Variants in IQGAP1 observed in about 807,000 individuals in gnomAD.
IQGAP1 encodes IQ motif containing GTPase activating protein 1.
In IQGAP1, 66 loss-of-function variants were observed where a neutral mutation model predicts 215.6. That is an observed-to-expected ratio of 0.31 (90% CI 0.25 to 0.38). The LOEUF is 0.38. IQGAP1 is among the 10% of genes least tolerant of loss of function. The pLI is 1.00. For missense variants in IQGAP1, 1,712 were observed against 1,997.1 expected, an observed-to-expected ratio of 0.86 and a Z score of 2.72; for synonymous variants, 772 against 728.7, an observed-to-expected ratio of 1.06 and a Z score of -0.96.
chr15:90,388,603 C>T (rs1964587258), intron 1 of IQGAP1, among the ~76,000 whole-genome samples: 1 of 152,100 alleles, frequency 6.6e-6, no homozygotes. Flanking sequence ...CGGAGAGGAC[C>T]CCCGAGGCCT....
chr15:90,457,552 C>T (rs147356429), intron 15 of IQGAP1, among the ~76,000 whole-genome samples: 94 of 151,550 alleles, frequency 6.2e-4, no homozygotes, highest in African/African-American at 2.2e-3. Context: ...TCTGCCTCCC[C>T]AGTACCTAGG....
At position 90,426,266 on chromosome 15, in the gene IQGAP1, G is replaced by A; in HGVS notation, c.312G>A (p.Lys104=). The part of the protein sequence containing the change: ...KIYDREQTRY[K]ATGLHFRHTD... ...ATGATCGAGAACAGACCAGATACAA[G>A]GTGAGTCCTTCCTTGCTTTGTGCTT... Residue 104 remains lysine, a splice_region_variant and synonymous_variant, in exon 3 of 38, where the codon AAG becomes AAA. Transcript: ENST00000268182. 1 of 1,584,050 alleles carries A rather than the reference G, an allele frequency of 6.3e-7. No homozygotes were observed. The highest frequency in any genetic ancestry group is 1.2e-5 in the South Asian group (1 of 85,558).
At position 90,456,893 on chromosome 15, in the gene IQGAP1, A is replaced by AAT. The variant is rs58278172; in HGVS notation, c.1776+595_1776+596dup. On this transcript the variant is annotated intron_variant, in intron 15 of 37. Transcript: ENST00000268182. The stretch of plus-strand genomic sequence containing the variant: ...ACAGAGTAAGACTCCGTCTCAAAAA[A>AAT]ATATATATATATATATATGTGTGTG... Among the ~76,000 whole-genome samples the AAT allele has an allele frequency of 5.4e-3, 746 of 139,412 alleles. 4 individuals are homozygous for AAT. Among genetic ancestry groups the AAT allele is most frequent in the Middle Eastern group, 0.026 (7 of 274 alleles). The allele number at this position is 139,412 out of a possible 152,430, so 91.5% of individuals were successfully genotyped here.
chr15:90,409,262 A>T (rs1964923595), intron 2 of IQGAP1, among the ~76,000 whole-genome samples: 2 of 133,878 alleles, frequency 1.5e-5, no homozygotes, highest in Admixed American at 7.7e-5. Flanking sequence ...TTTTTAGATA[A>T]GGTCTGGCTC....
chr15:90,394,525 T>C (rs1259631370), intron 2 of IQGAP1, among the ~76,000 whole-genome samples: 2 of 152,148 alleles, frequency 1.3e-5, no homozygotes, highest in Non-Finnish European at 2.9e-5. Flanking sequence ...ATGCTCTTCG[T>C]TATTAGTGAG....
chr15:90,467,279 C>T (rs2151029505), intron 17 of IQGAP1, among the ~76,000 whole-genome samples, 171 bp from the exon 18 acceptor site: 1 of 152,148 alleles, frequency 6.6e-6, no homozygotes, highest in Middle Eastern at 3.4e-3. Flanking sequence ...ATTACAAAGC[C>T]ATAATTTAAT....
rs770318310 is a variant in IQGAP1, at chr15:90,491,424, A to G, written c.4340A>G (p.Asp1447Gly). Reference protein sequence around the residue: ...KMKKSKSVKEDSNLTLQEKKE... With the variant: ...KMKKSKSVKEGSNLTLQEKKE... ...AAAAAGTCAAAATCTGTAAAGGAAG[A>G]CAGCAACCTCACTCTTCAAGAGAAG... Residue 1447 changes from aspartate to glycine, a missense_variant, in exon 34 of 38, where the codon GAC (aspartate) becomes GGC (glycine). Coordinates refer to ENST00000268182, the MANE Select transcript of IQGAP1 (RefSeq NM_003870.4). 2 of 1,614,212 alleles carry G rather than the reference A, an allele frequency of 1.2e-6. No homozygotes were observed. Among genetic ancestry groups the G allele is most frequent in the East Asian group, 2.2e-5 (1 of 44,884 alleles).
intron 18 of IQGAP1, among the ~76,000 whole-genome samples, chr15:90,470,859 ACT>A (rs530719279): frequency 1.2e-3 from 188 of 151,796 alleles, no homozygotes; most frequent in Middle Eastern, 3.4e-3. Context: ...CTGCCATCCA[ACT>A]CTCTTCTAAT....
chr15:90,439,435 T>A (rs1292312601), intron 6 of IQGAP1, 36 bp downstream of exon 6: 36 of 1,559,274 alleles, frequency 2.3e-5, no homozygotes, highest in Non-Finnish European at 3.0e-5. Context: ...AATGCTTGAA[T>A]TATGTGGAAA....
intron 11 of IQGAP1, among the ~76,000 whole-genome samples, chr15:90,450,330 C>CTTTTTTTTTTT (rs869037347): frequency 7.3e-5 from 4 of 54,460 alleles, no homozygotes; most frequent in Non-Finnish European, 9.6e-5. Flanking sequence ...TATACACTAC[C>CTTTTTTTTTTT]TTTTTTTTTT....
chr15:90,486,889 A>G (rs1313695684), intron 31 of IQGAP1, 65 bp from the exon 32 acceptor site: 1 of 1,486,614 alleles, frequency 6.7e-7, no homozygotes, highest in Non-Finnish European at 9.3e-7. Context: ...TTATATTTGT[A>G]TTATTTCCCC....
intron 23 of IQGAP1, among the ~76,000 whole-genome samples, chr15:90,475,251 A>G (rs1016168508): frequency 3.9e-5 from 6 of 151,922 alleles, no homozygotes; most frequent in Non-Finnish European, 8.8e-5. Flanking sequence ...CACCCGCCTC[A>G]GCCTCCCAAA....
chr15:90,445,100 C>T lies in IQGAP1; in HGVS notation c.913+1622C>T, dbSNP rs565629573. The stretch of plus-strand genomic sequence containing the variant: ...TCGCACCACTGCACTGTAGCCTGGG[C>T]AACAGAGTGAGACCCTGCCTCAAAA... On this transcript the variant is annotated intron_variant, in intron 9 of 37. Coordinates refer to ENST00000268182, the MANE Select transcript of IQGAP1 (RefSeq NM_003870.4). Among the ~76,000 whole-genome samples, 190 of 151,858 alleles carry T rather than the reference C, an allele frequency of 1.3e-3. 1 individual carries two copies. Among genetic ancestry groups the T allele is most frequent in the African/African-American group, 4.5e-3 (187 of 41,408 alleles).
At chr15:90,463,876 C>CT (rs1445497947) in intron 15 of IQGAP1, among the ~76,000 whole-genome samples, 1 of 152,176 alleles carries the variant, frequency 6.6e-6, no homozygotes, top group Non-Finnish European at 1.5e-5. Flanking sequence ...CACCTGCACT[C>CT]TTTATAAATT....
intron 2 of IQGAP1, among the ~76,000 whole-genome samples, chr15:90,403,928 G>A (rs1370545294): frequency 6.6e-6 from 1 of 152,154 alleles, no homozygotes; most frequent in Non-Finnish European, 1.5e-5. Context: ...GCCCGCCTTG[G>A]CCTCCCTAAG....
At position 90,491,259 on chromosome 15, in the gene IQGAP1, C is replaced by A. The variant is rs1966199677; in HGVS notation, c.4249-74C>A. ...TTTAAGAACTGTATAAGTTCAGGTG[C>A]AAATGTGCTATATAAATTCAAGTTT... On this transcript the variant is annotated intron_variant, in intron 33 of 37. Coordinates refer to ENST00000268182, the MANE Select transcript of IQGAP1 (RefSeq NM_003870.4). 39 of 1,260,096 alleles carry A rather than the reference C, an allele frequency of 3.1e-5. No individual in the cohort carries two copies. In the South Asian group the frequency reaches 4.8e-4, roughly 16 times the overall value. 78.1% of individuals were successfully genotyped at this position (1,260,096 alleles called of 1,614,324 possible).
intron 33 of IQGAP1, among the ~76,000 whole-genome samples, chr15:90,489,907 T>A (rs1056531195): frequency 2.0e-5 from 3 of 152,216 alleles, no homozygotes; most frequent in Non-Finnish European, 4.4e-5. Context: ...AGTCTTTTCA[T>A]CCTTATTTTG....
chr15:90,430,406 CAA>C (rs1485543177), intron 4 of IQGAP1, among the ~76,000 whole-genome samples: 2 of 151,778 alleles, frequency 1.3e-5, no homozygotes, highest in African/African-American at 4.8e-5. Context: ...CAGAAAGCAC[CAA>C]AAAAATGTAT....
intron 2 of IQGAP1, among the ~76,000 whole-genome samples, chr15:90,398,374 G>A (rs1418734913): frequency 6.6e-6 from 1 of 152,098 alleles, no homozygotes; most frequent in Non-Finnish European, 1.5e-5. Context: ...GGGGTAGAGG[G>A]TGTGAGATTT....
Sources: allele counts gnomAD v4.1 joint callset (sites outside exome capture counted in the v4.1 genomes callset), GRCh38; gene constraint gnomAD v4.1.1; transcripts MANE v1.5; gene names NCBI Gene and HGNC (gene_info 2026-07-23, HGNC 2026-07-21).